USP6: variants seen among roughly 807,000 people sequenced by gnomAD.
USP6 encodes the protein ubiquitin carboxyl-terminal hydrolase 6.
USP6 carries 128 observed loss-of-function variants against 175.7 expected under a neutral mutation model. That is an observed-to-expected ratio of 0.73 (90% CI 0.63 to 0.84). The LOEUF (loss-of-function observed/expected upper bound fraction) is 0.84. USP6 is among the 40% of genes least tolerant of loss of function. USP6 has a pLI of 0.00. For missense variants in USP6, 1,498 were observed against 1,760.3 expected (o/e 0.85, Z 2.67); for synonymous variants, 562 against 630.6 (o/e 0.89, Z 1.63).
At chr17:5,147,010 A>G in intron 28 of USP6, 73 bp from the exon 29 acceptor site, 1 of 1,402,506 alleles carries the variant, frequency 7.1e-7, no homozygotes, top group South Asian at 1.4e-5. Context: ...TTCTTTTGAA[A>G]TACATTAGAG....
intron 30 of USP6, among the ~76,000 whole-genome samples, chr17:5,151,431 A>ATGTG (rs138448773): frequency 0.023 from 3,400 of 146,616 alleles, 77 homozygotes; most frequent in African/African-American, 0.057. Context: ...CAAAGTCTGC[A>ATGTG]TGTGTGTGTG....
At position 5,147,950 on chromosome 17, in the gene USP6, G is replaced by T. The variant is rs191626108; in HGVS notation, c.2432-606G>T. ...GCCTGGAGTGCAGTGGCATCATCTT[G>T]GCTCACTGCAGCCTCTGCCTTATGG... On this transcript the variant is annotated intron_variant, in intron 29 of 37. Coordinates refer to ENST00000574788, the MANE Select transcript of USP6 (RefSeq NM_001304284.2). Among the ~76,000 whole-genome samples the T allele has an allele frequency of 4.4e-3, 664 of 152,184 alleles. 1 individual carries two copies. The highest frequency in any genetic ancestry group is 7.1e-3 in the Non-Finnish European group (481 of 67,976).
Position 5,158,729 on chromosome 17 carries a change from A to T in USP6, c.2829-2799A>T, listed in dbSNP as rs149144313. On this transcript the variant is annotated intron_variant, in intron 31 of 37. Coordinates refer to ENST00000574788, the MANE Select transcript of USP6 (RefSeq NM_001304284.2). ...AAACCAGGAGTTAAGTGAAGGAAGTACTTCAAGAAAGGAGTGATAGTTGTT... is the reference window on the plus strand; with the variant it reads ...AAACCAGGAGTTAAGTGAAGGAAGTTCTTCAAGAAAGGAGTGATAGTTGTT... Among the ~76,000 whole-genome samples, 21 of 151,584 alleles carry T rather than the reference A, an allele frequency of 1.4e-4. 1 individual carries two copies. The East Asian group carries it at 4.1e-3, about 30-fold the overall frequency.
intron 3 of USP6, among the ~76,000 whole-genome samples, chr17:5,121,147 GTGCC>G (rs1439159626): frequency 2.0e-5 from 3 of 152,198 alleles, no homozygotes; most frequent in Non-Finnish European, 4.4e-5. Context: ...ATAACACCCA[GTGCC>G]TGTCTTTGAG....
At chr17:5,126,442 C>G (rs2072897095) in intron 6 of USP6, among the ~76,000 whole-genome samples, 1 of 152,146 alleles carries the variant, frequency 6.6e-6, no homozygotes. Flanking sequence ...AAGGGATTCT[C>G]AGGGCTCTAA....
In USP6 at chr17:5,130,668, C is replaced by G. The variant is rs745918212; in HGVS notation, c.139C>G (p.Arg47Gly). 2 of 1,613,952 alleles carry G rather than the reference C, an allele frequency of 1.2e-6. No individual in the cohort carries two copies. Among genetic ancestry groups the G allele is most frequent in the East Asian group, 2.2e-5 (1 of 44,874 alleles). ...CGTTGGAATCAACAGCAGCATTGATCGTTTTGGCATTTTGCAGTGAGTCAT... is the reference window on the plus strand; with the variant it reads ...CGTTGGAATCAACAGCAGCATTGATGGTTTTGGCATTTTGCAGTGAGTCAT... ...EPVGINSSID[R>G]FGILHETELP... Residue 47 changes from arginine (R) to glycine (G), a missense_variant, in exon 11 of 38, where the codon CGT (arginine) becomes GGT (glycine). By Grantham distance (125) the Arg-to-Gly change is moderately radical. Coordinates refer to ENST00000574788, the MANE Select transcript of USP6 (RefSeq NM_001304284.2).
chr17:5,172,334 A>G (rs1158548788), intron 37 of USP6, among the ~76,000 whole-genome samples: 4 of 152,080 alleles, frequency 2.6e-5, no homozygotes, highest in East Asian at 3.9e-4. Flanking sequence ...GATAGAGGCC[A>G]TCCTGGCTAA....
At position 5,167,951 on chromosome 17, in the gene USP6, G is replaced by A. The variant is rs750711812; in HGVS notation, c.3056G>A (p.Ser1019Asn). The change falls in exon 34 of 38, where the codon AGT becomes AAT. Residue 1019 changes from serine to asparagine, a missense_variant. By Grantham distance (46) the Ser-to-Asn change is conservative. Coordinates refer to ENST00000574788, the MANE Select transcript of USP6 (RefSeq NM_001304284.2). Reference protein sequence around the residue: ...SQERVVDKHESVEQSRRAQAE... With the variant: ...SQERVVDKHENVEQSRRAQAE... ...CTACAGGTTGTAGATAAGCATGAGA[G>A]TGTGGAGCAGAGTCGGCGAGCGCAA... 1.2e-6 allele frequency: 2 copies of A among 1,611,842 alleles called. No individual in the cohort carries two copies. Among genetic ancestry groups the A allele is most frequent in the South Asian group, 2.2e-5 (2 of 90,980 alleles).
Position 5,172,930 on chromosome 17 carries a change from G to T in USP6, c.4173G>T (p.Thr1391=). Residue 1391 remains threonine (T), a synonymous_variant, in exon 38 of 38, where the codon ACG becomes ACT. Coordinates refer to ENST00000574788, the MANE Select transcript of USP6 (RefSeq NM_001304284.2). ...DGKKMADTSS[T]DEDSESDYEK... ...AAAAGATGGCAGACACAAGCAGTACGGATGAAGACTCTGAGTCTGATTACG... is the reference window on the plus strand; with the variant it reads ...AAAAGATGGCAGACACAAGCAGTACTGATGAAGACTCTGAGTCTGATTACG... 1 of 1,613,956 alleles carries T rather than the reference G, an allele frequency of 6.2e-7. No homozygotes were observed. The highest frequency in any genetic ancestry group is 8.5e-7 in the Non-Finnish European group (1 of 1,179,866).
At chr17:5,141,881 T>G (rs900307895) in intron 23 of USP6, 122 bp from the exon 24 acceptor site, 2 of 1,436,656 alleles carry the variant, frequency 1.4e-6, no homozygotes, top group Non-Finnish European at 1.8e-6. Context: ...TGCTAGAGAA[T>G]TATTAGCACC....
Position 5,155,429 on chromosome 17 carries a change from C to G in USP6, c.2651C>G (p.Thr884Arg). The change falls in exon 31 of 38, where the codon ACA (threonine) becomes AGA (arginine). Residue 884 changes from threonine to arginine, a missense_variant. Transcript: ENST00000574788. ...IIAVHRKMMR[T>R]ELYFLSPQEN... ...TCTCGTTTGTACATACAGATGAGGA[C>G]AGAACTGTATTTCCTGTCACCTCAG... 6.2e-7 allele frequency: 1 copy of G among 1,613,954 alleles called. No homozygotes were observed. Among genetic ancestry groups the G allele is most frequent in the South Asian group, 1.1e-5 (1 of 91,042 alleles).
intron 16 of USP6, 90 bp downstream of exon 16, chr17:5,135,372 G>C (rs2073220169): frequency 4.6e-6 from 7 of 1,514,150 alleles, no homozygotes; most frequent in Non-Finnish European, 6.4e-6. Flanking sequence ...TTCTTTTAAA[G>C]TTGGTATTTG....
In USP6 at chr17:5,121,370, T is replaced by G. The variant is rs2072659838; in HGVS notation, c.-1674-5T>G. The G allele has an allele frequency of 5.9e-6, 2 of 340,546 alleles. No individual in the cohort carries two copies. The highest frequency in any genetic ancestry group is 4.3e-5 in the African/African-American group (2 of 46,428). The allele number at this position is 340,546 out of a possible 1,614,324, so 21.1% of individuals were successfully genotyped here. ...GAAACCCCTGTGGCCCACTCTGCCT[T>G]CCAGAGAGAGGGGCTGAACTGCGAG... On this transcript the variant is annotated splice_region_variant and splice_polypyrimidine_tract_variant and intron_variant, in intron 3 of 37. Coordinates refer to ENST00000574788, the MANE Select transcript of USP6 (RefSeq NM_001304284.2).
chr17:5,172,495 C>T (rs113523172), intron 37 of USP6, among the ~76,000 whole-genome samples: 2,245 of 152,260 alleles, frequency 0.015, 59 homozygotes, highest in African/African-American at 0.05. Context: ...TGCACCAGTG[C>T]ACACCAGCCT....
intron 31 of USP6, among the ~76,000 whole-genome samples, chr17:5,156,036 G>A (rs1424051771): frequency 1.3e-5 from 2 of 152,192 alleles, no homozygotes; most frequent in Non-Finnish European, 2.9e-5. Context: ...CTGCATACAT[G>A]AACTCTGAAA....
Position 5,144,697 on chromosome 17 carries a change from T to G in USP6, c.1826T>G (p.Ile609Arg), listed in dbSNP as rs113360523. The G allele has an allele frequency of 6.2e-7, 1 of 1,613,604 alleles. No individual in the cohort carries two copies. The highest frequency in any genetic ancestry group is 1.3e-5 in the African/African-American group (1 of 75,036). ...CTTCTCTTATATTTATAGCGGACCA[T>G]AGCAAAATATGCTCCCAAGTTTGAT... ...SVAPLKLRRT[I>R]AKYAPKFDGF... The change falls in exon 26 of 38, where the codon ATA becomes AGA. Residue 609 changes from isoleucine (I) to arginine (R), a missense_variant. Physicochemically the swap from Ile to Arg is moderately conservative, Grantham distance 97. Around this residue, in one of 2 missense-constraint regions of USP6, gnomAD observed 1,217 missense variants for 1,500.8 expected, o/e 0.81. Transcript: ENST00000574788.
chr17:5,122,465 C>G (rs184896270), intron 4 of USP6, among the ~76,000 whole-genome samples: 1 of 152,200 alleles, frequency 6.6e-6, no homozygotes, highest in Non-Finnish European at 1.5e-5. Context: ...TTTTGCTCCC[C>G]GAAAAGGTTT....
At position 5,135,691 on chromosome 17, in the gene USP6, C is replaced by T. The variant is rs1040266357; in HGVS notation, c.544-117C>T. On this transcript the variant is annotated intron_variant, in intron 16 of 37. Transcript: ENST00000574788. ...AAATGAATTTGCATCCTGAGGAAGC[C>T]TCTTCTTCAGAGGAAGCCTCCCCAG... 3.1e-6 allele frequency: 5 copies of T among 1,590,644 alleles called. No homozygotes were observed. In the Admixed American group the frequency reaches 6.7e-5, roughly 21 times the overall value.
At position 5,135,395 on chromosome 17, in the gene USP6, A is replaced by C; in HGVS notation, c.543+113A>C. 7.3e-6 allele frequency: 10 copies of C among 1,377,956 alleles called. No individual in the cohort carries two copies. The South Asian group carries it at 1.1e-4, about 15-fold the overall frequency. 85.4% of individuals were successfully genotyped at this position (1,377,956 alleles called of 1,614,324 possible). On this transcript the variant is annotated intron_variant, in intron 16 of 37. Transcript: ENST00000574788. The stretch of plus-strand genomic sequence containing the variant: ...AAGTTGGTATTTGTGACTCACCAGG[A>C]TATAGGAGGTAGGATTCTAGGTCAC...
Sources: gnomAD v4.1 joint callset for allele counts (sites outside exome capture counted in the v4.1 genomes callset) on GRCh38, gnomAD v4.1.1 for gene constraint, gnomAD v4.1.1 regional missense constraint, MANE v1.5 for transcripts, NCBI Gene and HGNC (gene_info 2026-07-23, HGNC 2026-07-21) for gene names.